Variants in TAF1 observed in about 807,000 individuals in gnomAD.
TAF1 encodes TATA-box binding protein associated factor 1.
Under a neutral mutation model 138.5 loss-of-function variants are expected in TAF1, and 2 were observed. That is an observed-to-expected ratio of 0.01 (90% CI 0.01 to 0.05). TAF1 has a LOEUF of 0.05. Ranked by LOEUF, TAF1 falls within the 10% of genes least tolerant of loss-of-function variation. TAF1 has a pLI of 1.00. For missense variants in TAF1, 709 were observed against 1,478.0 expected (o/e 0.48, Z 8.53); for synonymous variants, 437 against 503.2 (o/e 0.87, Z 1.76).
chrX:71,493,339 G>A (rs1180149921), intron 13 of TAF1, among the ~76,000 whole-genome samples: 1 of 112,128 alleles, frequency 8.9e-6, no homozygotes, highest in Non-Finnish European at 1.9e-5. Context: ...CACGTGATCT[G>A]ATTGGCATGT....
intron 32 of TAF1, among the ~76,000 whole-genome samples, chrX:71,433,381 ATAATGGTGAC>A (rs2036985133): frequency 1.8e-5 from 2 of 111,917 alleles, no homozygotes. Context: ...GAATCAGTTA[ATAATGGTGAC>A]TAAAGGTGAA....
intron 32 of TAF1, among the ~76,000 whole-genome samples, chrX:71,453,592 TATC>T (rs777226109): frequency 1.8e-5 from 2 of 110,480 alleles, no homozygotes; most frequent in South Asian, 4.1e-4. Context: ...TACAATGACA[TATC>T]ATTATCACCC....
chrX:71,438,575 A>T (rs893650623), intron 32 of TAF1, among the ~76,000 whole-genome samples: 3 of 111,994 alleles, frequency 2.7e-5, no homozygotes, highest in African/African-American at 9.7e-5. Context: ...CAGTCTACCA[A>T]GTAAACAGGA....
intron 13 of TAF1, among the ~76,000 whole-genome samples, chrX:71,496,505 C>T (rs752351420): frequency 9.0e-6 from 1 of 111,494 alleles, no homozygotes; most frequent in East Asian, 2.8e-4. Context: ...CTTTGACTTT[C>T]TGTCTCTTTC....
At chrX:71,449,470 A>T (rs2037854434) in intron 32 of TAF1, among the ~76,000 whole-genome samples, 1 of 112,797 alleles carries the variant, frequency 8.9e-6, no homozygotes, top group Admixed American at 9.4e-5. Context: ...AAAATGGGTA[A>T]GGAAGAGGTC....
At chrX:71,384,344 T>A (rs1265846811) in intron 13 of TAF1, among the ~76,000 whole-genome samples, 1 of 110,374 alleles carries the variant, frequency 9.1e-6, no homozygotes, top group East Asian at 2.8e-4. Context: ...GAGAAAGGAG[T>A]GGTACCTTTT....
chrX:71,451,849 A>G (rs2037982253), intron 32 of TAF1, among the ~76,000 whole-genome samples: 1 of 112,119 alleles, frequency 8.9e-6, no homozygotes, highest in Non-Finnish European at 1.9e-5. Context: ...AGTACAGAAC[A>G]AAATGAAAAG....
intron 24 of TAF1, among the ~76,000 whole-genome samples, chrX:71,399,567 C>CTTTTTTT (rs35622645): frequency 6.9e-5 from 2 of 28,942 alleles, no homozygotes; most frequent in African/African-American, 1.4e-4. Flanking sequence ...GTTATTTATT[C>CTTTTTTT]TTTTTTTTTT....
chrX:71,448,061 G>A (rs2037779685), intron 32 of TAF1, among the ~76,000 whole-genome samples: 2 of 111,882 alleles, frequency 1.8e-5, no homozygotes, highest in Admixed American at 1.9e-4. Flanking sequence ...TGAGTGGGTA[G>A]CTTATTCTTA....
intron 13 of TAF1, among the ~76,000 whole-genome samples, chrX:71,501,011 C>T (rs1041580741): frequency 3.1e-4 from 33 of 105,026 alleles, no homozygotes; most frequent in Admixed American, 1.8e-3. Flanking sequence ...TGCAGTGAGC[C>T]GAGATCGAGC....
chrX:71,420,635 A>G lies in TAF1; in HGVS notation c.4385-674A>G, dbSNP rs542443096. 1.2e-5 allele frequency: 15 copies of G among 1,202,491 alleles called. No individual in the cohort carries two copies. In the East Asian group the frequency reaches 4.2e-4, roughly 33 times the overall value. ...CTCCATCTCCCTAACTCGAGCTTTG[A>G]TAGCTTCCAGCTCCGGATCCTCAAT... On this transcript the variant is annotated intron_variant, in intron 28 of 37. Coordinates refer to ENST00000423759, the MANE Select transcript of TAF1 (RefSeq NM_004606.5).
intron 23 of TAF1, among the ~76,000 whole-genome samples, chrX:71,398,095 T>C (rs1429303440): frequency 2.7e-5 from 3 of 111,596 alleles, no homozygotes; most frequent in Non-Finnish European, 5.7e-5. Context: ...ATCCCAGCAC[T>C]TGGGGAGGCT....
At chrX:71,440,426 T>G (rs909907129) in intron 32 of TAF1, among the ~76,000 whole-genome samples, 1 of 111,365 alleles carries the variant, frequency 9.0e-6, no homozygotes, top group African/African-American at 3.3e-5. Flanking sequence ...ATGAGTTTAA[T>G]TTTTCATTTC....
downstream of TAF1, among the ~76,000 whole-genome samples, chrX:71,470,693 TA>T (rs1201417400): frequency 3.8e-5 from 4 of 106,079 alleles, no homozygotes; most frequent in East Asian, 9.7e-4. Context: ...ATTCATATTT[TA>T]AAAAAAGAAT....
Position 71,393,109 on chromosome X carries a change from C to T in TAF1, c.3051+115C>T, listed in dbSNP as rs760026597. 148 of 1,081,324 alleles carry T rather than the reference C, an allele frequency of 1.4e-4. No homozygotes were observed. The African/African-American group carries it at 2.6e-3, about 19-fold the overall frequency. The allele number at this position is 1,081,324 out of a possible 1,213,427, so 89.1% of individuals were successfully genotyped here. A position where few individuals can be genotyped will look rare whatever the true frequency, so the allele number is the denominator to read the frequency against. Reference sequence around the variant, plus strand: ...GAACTTTATTGTAGGGTATAGTAAGCTAAGTCTTAGATATTGTTTTAGGAG... The same window carrying T: ...GAACTTTATTGTAGGGTATAGTAAGTTAAGTCTTAGATATTGTTTTAGGAG... On this transcript the variant is annotated intron_variant, in intron 20 of 37. Coordinates refer to ENST00000423759, the MANE Select transcript of TAF1 (RefSeq NM_004606.5).
At chrX:71,459,429 C>T (rs1249514099) in intron 35 of TAF1, 123 bp from the exon 36 acceptor site, 13 of 1,007,289 alleles carry the variant, frequency 1.3e-5, no homozygotes, top group Middle Eastern at 7.5e-4. Context: ...AATTACTTAA[C>T]TTCTTGTGAG....
At chrX:71,388,927 TC>T in intron 17 of TAF1, 59 bp downstream of exon 17, 2 of 1,128,819 alleles carry the variant, frequency 1.8e-6, no homozygotes, top group Non-Finnish European at 2.4e-6. Context: ...TTTTTTTTCT[TC>T]CCCCCAGAGA....
chrX:71,453,670 A>G (rs2038155265), intron 32 of TAF1, among the ~76,000 whole-genome samples: 1 of 110,367 alleles, frequency 9.1e-6, no homozygotes, highest in Admixed American at 9.7e-5. Flanking sequence ...GTATAATGAC[A>G]TGTATCCACC....
chrX:71,422,896 C>T (rs952108970), intron 29 of TAF1, among the ~76,000 whole-genome samples: 5 of 110,597 alleles, frequency 4.5e-5, no homozygotes, highest in African/African-American at 9.9e-5. Context: ...CCCGCCACCA[C>T]GCCCAGCTAG....
Sources: gnomAD v4.1 joint callset for allele counts (sites outside exome capture counted in the v4.1 genomes callset) on GRCh38, gnomAD v4.1.1 for gene constraint, MANE v1.5 for transcripts, NCBI Gene and HGNC (gene_info 2026-07-23, HGNC 2026-07-21) for gene names.